The following RPS6KA5 variants were observed in gnomAD, a reference collection of about 807,000 sequenced individuals.
The protein encoded by RPS6KA5 is ribosomal protein S6 kinase A5.
RPS6KA5 carries 27 observed loss-of-function variants against 85.5 expected under a neutral mutation model. The ratio of observed to expected loss-of-function variants is 0.32; its 90% CI spans 0.23 to 0.44. The LOEUF is 0.44. Ranked by LOEUF, RPS6KA5 falls within the 20% of genes least tolerant of loss-of-function variation. The pLI is 1.00. For missense variants in RPS6KA5, 811 were observed against 980.9 expected (o/e 0.83, Z 2.31); for synonymous variants, 334 against 348.2 (o/e 0.96, Z 0.46).
At chr14:91,019,475 A>G (rs2041650213) in intron 1 of RPS6KA5, among the ~76,000 whole-genome samples, 1 of 152,062 alleles carries the variant, frequency 6.6e-6, no homozygotes, top group African/African-American at 2.4e-5. Flanking sequence ...AGGTCTCCAG[A>G]CTCAAATGGG....
intron 3 of RPS6KA5, among the ~76,000 whole-genome samples, chr14:90,975,135 T>C (rs1212365828): frequency 1.3e-5 from 2 of 152,194 alleles, no homozygotes; most frequent in Non-Finnish European, 2.9e-5. Context: ...CTGTATTTTC[T>C]GTATGCATAT....
intron 1 of RPS6KA5, among the ~76,000 whole-genome samples, chr14:91,022,138 G>A (rs1211412308): frequency 6.6e-6 from 1 of 152,184 alleles, no homozygotes; most frequent in African/African-American, 2.4e-5. Context: ...TATAAGGAAT[G>A]CCTTATTCAG....
At chr14:90,955,684 T>A (rs2038465571) in intron 3 of RPS6KA5, among the ~76,000 whole-genome samples, 1 of 152,158 alleles carries the variant, frequency 6.6e-6, no homozygotes. Flanking sequence ...CCCTAGAGAA[T>A]GTTGCATCTG....
chr14:91,011,269 C>T (rs1424746249), intron 1 of RPS6KA5, among the ~76,000 whole-genome samples: 1 of 151,984 alleles, frequency 6.6e-6, no homozygotes, highest in African/African-American at 2.4e-5. Flanking sequence ...GGGTGGATCA[C>T]GAGGTCAAGA....
At chr14:90,911,900 C>T (rs1369308118) in intron 7 of RPS6KA5, among the ~76,000 whole-genome samples, 2 of 152,084 alleles carry the variant, frequency 1.3e-5, no homozygotes, top group African/African-American at 4.8e-5. Context: ...AAATGAGTTT[C>T]GCTTACAAGA....
intron 3 of RPS6KA5, among the ~76,000 whole-genome samples, chr14:90,960,178 A>C (rs886282285): frequency 1.3e-5 from 2 of 152,132 alleles, no homozygotes; most frequent in Non-Finnish European, 2.9e-5. Flanking sequence ...TCATTTCAAC[A>C]AGAGCTCTGA....
chr14:90,881,179 G>T (rs1219501449), intron 14 of RPS6KA5, among the ~76,000 whole-genome samples: 1 of 151,670 alleles, frequency 6.6e-6, no homozygotes, highest in Non-Finnish European at 1.5e-5. Flanking sequence ...GGCCAGGAGT[G>T]GTGGCTCATG....
intron 14 of RPS6KA5, among the ~76,000 whole-genome samples, chr14:90,888,819 T>G (rs976021664): frequency 7.2e-5 from 11 of 152,220 alleles, no homozygotes; most frequent in African/African-American, 2.4e-4. Context: ...CTTCTCTGTT[T>G]AAATCCTTCT....
intron 4 of RPS6KA5, among the ~76,000 whole-genome samples, chr14:90,943,453 G>C (rs112121764): frequency 6.6e-6 from 1 of 151,864 alleles, no homozygotes; most frequent in Non-Finnish European, 1.5e-5. Flanking sequence ...CTCTTGACTC[G>C]TGCTTCTTCA....
In RPS6KA5 at chr14:90,900,962, C is replaced by T. The variant is rs1472959648; in HGVS notation, c.1120-226G>A. The stretch of plus-strand genomic sequence containing the variant: ...ATCTTCTGGTAGAACTAAACCAATT[C>T]AAAAATAAAGGTAGAAAAAGACTTC... On this transcript the variant is annotated intron_variant, in intron 9 of 16. Coordinates refer to ENST00000614987, the MANE Select transcript of RPS6KA5 (RefSeq NM_004755.4). Among the ~76,000 whole-genome samples the T allele has an allele frequency of 3.3e-5, 5 of 152,110 alleles. No individual in the cohort carries two copies. The East Asian group carries it at 9.6e-4, about 29-fold the overall frequency.
At chr14:90,950,942 G>A (rs2038142599) in intron 3 of RPS6KA5, among the ~76,000 whole-genome samples, 1 of 151,534 alleles carries the variant, frequency 6.6e-6, no homozygotes. Context: ...CCAACACGGT[G>A]AAACCCTGTC....
chr14:90,914,308 G>GGT (rs2035989535), intron 7 of RPS6KA5, among the ~76,000 whole-genome samples: 2 of 56,690 alleles, frequency 3.5e-5, no homozygotes, highest in Non-Finnish European at 7.0e-5. Context: ...TGATCCCTAG[G>GGT]GTTTTTTTTT....
At position 90,872,155 on chromosome 14, in the gene RPS6KA5, G is replaced by T; in HGVS notation, c.2328C>A (p.Pro776=). Reference sequence around the variant, plus strand: ...GATTGCTGGGCTGCAGTGTCTTGGTGGGTGTAGTTTTACCGTGAGAATGAG... The same window carrying T: ...GATTGCTGGGCTGCAGTGTCTTGGTTGGTGTAGTTTTACCGTGAGAATGAG... ...SSSHSHGKTT[P]TKTLQPSNPA... is the part of the protein sequence containing the mutation. The change falls in exon 17 of 17, where the codon CCC becomes CCA. Residue 776 remains proline (P), a synonymous_variant. Transcript: ENST00000614987. The T allele has an allele frequency of 6.2e-7, 1 of 1,613,982 alleles. No individual in the cohort carries two copies. Among genetic ancestry groups the T allele is most frequent in the African/African-American group, 1.3e-5 (1 of 74,998 alleles).
chr14:90,991,721 GAA>G (rs1491442613), intron 2 of RPS6KA5, among the ~76,000 whole-genome samples: 1 of 104,140 alleles, frequency 9.6e-6, no homozygotes, highest in African/African-American at 3.2e-5. Context: ...AAAAAAAAAA[GAA>G]GAGAGATAAA....
At chr14:90,910,118 C>T (rs1233959104) in intron 7 of RPS6KA5, among the ~76,000 whole-genome samples, 1 of 151,924 alleles carries the variant, frequency 6.6e-6, no homozygotes, top group Non-Finnish European at 1.5e-5. Flanking sequence ...GATCGCATAG[C>T]AAAAGGCCAC....
intron 2 of RPS6KA5, among the ~76,000 whole-genome samples, chr14:90,987,700 C>A (rs1743433): frequency 0.74 from 112,026 of 151,528 alleles, 41,550 homozygotes; most frequent in East Asian, 0.96. Flanking sequence ...CAGCAGCAGC[C>A]ACAACAACAA....
intron 3 of RPS6KA5, among the ~76,000 whole-genome samples, chr14:90,956,679 T>A (rs550462280): frequency 1.3e-5 from 2 of 151,990 alleles, no homozygotes; most frequent in South Asian, 2.1e-4. Flanking sequence ...TTTTTTTTTT[T>A]ACTTATTTTC....
At position 90,887,241 on chromosome 14, in the gene RPS6KA5, G is replaced by C. The variant is rs980974914; in HGVS notation, c.1836+3246C>G. Among the ~76,000 whole-genome samples, 6 of 152,316 alleles carry C rather than the reference G, an allele frequency of 3.9e-5. No homozygotes were observed. The South Asian group carries it at 1.2e-3, about 32-fold the overall frequency. On this transcript the variant is annotated intron_variant, in intron 14 of 16. Transcript: ENST00000614987. The stretch of plus-strand genomic sequence containing the variant: ...CTGTCACCCACTGTGGAGTGTGGTA[G>C]TGTGATCACGGCTCACTGCAGTCTC...
chr14:91,022,074 T>C lies in RPS6KA5; in HGVS notation c.104-20915A>G, dbSNP rs535057415. Among the ~76,000 whole-genome samples, 10 of 152,352 alleles carry C rather than the reference T, an allele frequency of 6.6e-5. No homozygotes were observed. The South Asian group carries it at 1.7e-3, about 25-fold the overall frequency. ...TTTAAATCTGGTGCACAAATATTTA[T>C]GCTGTACATGAACTTATATTGTATA... On this transcript the variant is annotated intron_variant, in intron 1 of 16. Coordinates refer to ENST00000614987, the MANE Select transcript of RPS6KA5 (RefSeq NM_004755.4).
Sources: gnomAD v4.1 joint callset for allele counts (sites outside exome capture counted in the v4.1 genomes callset) on GRCh38, gnomAD v4.1.1 for gene constraint, MANE v1.5 for transcripts, NCBI Gene and HGNC (gene_info 2026-07-23, HGNC 2026-07-21) for gene names.